SMARCA2: variants seen among roughly 807,000 people sequenced by gnomAD.
SMARCA2 encodes the protein SWI/SNF-related matrix-associated actin-dependent regulator of chromatin subfamily A member 2.
In SMARCA2, 61 loss-of-function variants were observed where a neutral mutation model predicts 199.8. That is an observed-to-expected ratio of 0.31 (90% CI 0.25 to 0.38). The LOEUF is 0.38. SMARCA2 is among the 10% of genes least tolerant of loss of function. The pLI, the probability that SMARCA2 is intolerant of heterozygous loss-of-function variation, is 1.00. For synonymous variants in SMARCA2, 935 were observed against 732.0 expected (o/e 1.28, Z -4.48); for missense variants, 1,344 against 2,012.2 (o/e 0.67, Z 6.35).
At chr9:2,124,170 A>C (rs1381711539) in intron 27 of SMARCA2, among the ~76,000 whole-genome samples, 1 of 152,248 alleles carries the variant, frequency 6.6e-6, no homozygotes, top group Non-Finnish European at 1.5e-5. Context: ...AAAAATATGC[A>C]GGATTTTTTG....
Position 2,060,917 on chromosome 9 carries a change from C to T in SMARCA2, c.1623C>T (p.Thr541=). 1 of 1,614,040 alleles carries T rather than the reference C, an allele frequency of 6.2e-7. No individual in the cohort carries two copies. The highest frequency in any genetic ancestry group is 8.5e-7 in the Non-Finnish European group (1 of 1,179,968). Reference sequence around the variant, plus strand: ...CCGATGAGTATGTAGCCAATCTGACCAATCTGGTTTGGGAGCACAAGCAAG... The same window carrying T: ...CCGATGAGTATGTAGCCAATCTGACTAATCTGGTTTGGGAGCACAAGCAAG... ...QQTDEYVANL[T]NLVWEHKQAQ... is the part of the protein sequence containing the mutation. The change falls in exon 9 of 34, where the codon ACC becomes ACT. Residue 541 remains threonine, a synonymous_variant. Transcript: ENST00000349721.
In SMARCA2 at chr9:2,192,902, G is replaced by A. The variant is rs900043598; in HGVS notation, c.*163G>A. The A allele has an allele frequency of 8.4e-6, 5 of 597,964 alleles. No individual in the cohort carries two copies. Among genetic ancestry groups the A allele is most frequent in the African/African-American group, 5.6e-5 (3 of 53,196 alleles). 37.0% of individuals were successfully genotyped at this position (597,964 alleles called of 1,614,324 possible). A position where few individuals can be genotyped will look rare whatever the true frequency, so the allele number is the denominator to read the frequency against. On this transcript the variant is annotated 3_prime_UTR_variant, in exon 34 of 34. Coordinates refer to ENST00000349721, the MANE Select transcript of SMARCA2 (RefSeq NM_003070.5). ...CCAGACAAACATATGATATCATGGTGTAAAAAACACACACATACACAAATA... is the reference window on the plus strand; with the variant it reads ...CCAGACAAACATATGATATCATGGTATAAAAAACACACACATACACAAATA...
At chr9:2,058,525 C>A (rs923238557) in intron 8 of SMARCA2, 61 bp downstream of exon 8, 3 of 1,348,580 alleles carry the variant, frequency 2.2e-6, no homozygotes, top group South Asian at 1.3e-5. Context: ...TGCAATGAGA[C>A]CATTAAATAT....
chr9:2,054,517 T>C (rs753165253), intron 5 of SMARCA2, 80 bp from the exon 6 acceptor site: 19 of 1,528,954 alleles, frequency 1.2e-5, no homozygotes, highest in Non-Finnish European at 1.7e-5. Flanking sequence ...TTAAACCTAA[T>C]GTCATTGTTT....
chr9:2,106,175 G>C lies in SMARCA2; in HGVS notation c.3292+2006G>C, dbSNP rs557200096. On this transcript the variant is annotated intron_variant, in intron 23 of 33. Transcript: ENST00000349721. Reference sequence around the variant, plus strand: ...CATTATGATGCCCATTTAAGGATGAGAAAACAAAGGCATATGGTGAAACCA... The same window carrying C: ...CATTATGATGCCCATTTAAGGATGACAAAACAAAGGCATATGGTGAAACCA... Among the ~76,000 whole-genome samples the C allele has an allele frequency of 1.1e-4, 17 of 152,310 alleles. No homozygotes were observed. In the South Asian group the frequency reaches 3.1e-3, roughly 28 times the overall value.
chr9:2,015,578 C>G lies in SMARCA2; in HGVS notation c.-37+174C>G, dbSNP rs897279738. Among the ~76,000 whole-genome samples the G allele has an allele frequency of 7.2e-5, 11 of 152,166 alleles. No individual in the cohort carries two copies. In the East Asian group the frequency reaches 1.4e-3, roughly 19 times the overall value. ...GACCAAAACAAACAGGCGGGCCAAC[C>G]GCCGCGACAAAAAAAAGCCCGCCTC... On this transcript the variant is annotated intron_variant, in intron 1 of 33. Coordinates refer to ENST00000349721, the MANE Select transcript of SMARCA2 (RefSeq NM_003070.5).
intron 23 of SMARCA2, among the ~76,000 whole-genome samples, chr9:2,105,773 G>C (rs534636102): frequency 5.5e-4 from 84 of 152,294 alleles, no homozygotes; most frequent in African/African-American, 1.9e-3. Flanking sequence ...GCTCAAGTGA[G>C]GGGCTGTGGG....
rs909168367 is a variant in SMARCA2, at chr9:2,016,830, C to G, written c.-37+1426C>G. Among the ~76,000 whole-genome samples the G allele has an allele frequency of 6.6e-6, 1 of 152,232 alleles. No individual in the cohort carries two copies. Among genetic ancestry groups the G allele is most frequent in the Admixed American group, 6.5e-5 (1 of 15,288 alleles). On this transcript the variant is annotated intron_variant, in intron 1 of 33. Coordinates refer to ENST00000349721, the MANE Select transcript of SMARCA2 (RefSeq NM_003070.5). This position sits in a 1 kb window ranked among gnomAD's most constrained non-coding sequence, Gnocchi z 5.6. ...CCTTTGCTCTCCCCCTCCACCCGGCCGTCTTCCCTTCCTCCCGTTTGCGTT... is the reference window on the plus strand; with the variant it reads ...CCTTTGCTCTCCCCCTCCACCCGGCGGTCTTCCCTTCCTCCCGTTTGCGTT...
At chr9:2,153,978 A>G (rs1825209741) in intron 27 of SMARCA2, among the ~76,000 whole-genome samples, 1 of 152,220 alleles carries the variant, frequency 6.6e-6, no homozygotes, top group Non-Finnish European at 1.5e-5. Context: ...TGCAGTCATC[A>G]TTAATAATAA....
At chr9:2,047,548 G>C (rs563732903) in intron 5 of SMARCA2, 64 bp downstream of exon 5, 65 of 1,233,644 alleles carry the variant, frequency 5.3e-5, no homozygotes, top group Admixed American at 4.4e-4. Flanking sequence ...CAAGCCGAGG[G>C]GGGTGAGGCG....
chr9:2,017,115 C>T lies in SMARCA2; in HGVS notation c.-37+1711C>T, dbSNP rs1818387277. On this transcript the variant is annotated intron_variant, in intron 1 of 33. Transcript: ENST00000349721. This position sits in a 1 kb window ranked among gnomAD's most constrained non-coding sequence, Gnocchi z 8.8. ...CCGGTACACGCGGGGAAATCGCCTC[C>T]TGCCAGTGTCTGATCGCTCGCCTCC... The T allele has an allele frequency of 6.6e-6, 1 of 152,330 alleles. No individual in the cohort carries two copies. Among genetic ancestry groups the T allele is most frequent in the African/African-American group, 2.4e-5 (1 of 41,442 alleles). 9.4% of individuals were successfully genotyped at this position (152,330 alleles called of 1,614,324 possible).
chr9:2,101,684 A>G (rs899134209), intron 22 of SMARCA2, 68 bp downstream of exon 22: 35 of 786,302 alleles, frequency 4.5e-5, no homozygotes, highest in Middle Eastern at 2.4e-4. Context: ...CCTCCTCTCT[A>G]CAGTGTTTCC....
At chr9:2,107,244 G>A (rs891903832) in intron 23 of SMARCA2, among the ~76,000 whole-genome samples, 5 of 152,178 alleles carry the variant, frequency 3.3e-5, no homozygotes, top group Admixed American at 3.3e-4. Context: ...AAATGCCATA[G>A]CTTTGTATGA....
chr9:2,161,770 C>A lies in SMARCA2; in HGVS notation c.4066C>A (p.Pro1356Thr), dbSNP rs753162708. The change falls in exon 28 of 34, where the codon CCT becomes ACT. Residue 1356 changes from proline (P) to threonine (T), a missense_variant. Physicochemically the swap from Pro to Thr is conservative, Grantham distance 38. Coordinates refer to ENST00000349721, the MANE Select transcript of SMARCA2 (RefSeq NM_003070.5). This position sits in a 1 kb window ranked among gnomAD's most constrained non-coding sequence, Gnocchi z 4.7. Reference sequence around the variant, plus strand: ...AAGACGAAGAAATGTGGATAAAGATCCTGCAAAAGAAGATGTGGAAAAAGC... The same window carrying A: ...AAGACGAAGAAATGTGGATAAAGATACTGCAAAAGAAGATGTGGAAAAAGC... ...RKRRRNVDKD[P>T]AKEDVEKAKK... The A allele has an allele frequency of 1.2e-6, 2 of 1,613,904 alleles. No individual in the cohort carries two copies. Among genetic ancestry groups the A allele is most frequent in the Middle Eastern group, 1.6e-4 (1 of 6,062 alleles).
intron 1 of SMARCA2, among the ~76,000 whole-genome samples, chr9:2,025,408 C>A (rs1586619420): frequency 6.6e-6 from 1 of 152,126 alleles, no homozygotes; most frequent in African/African-American, 2.4e-5. Flanking sequence ...ACAGGTCGTT[C>A]TTTTCTGTGA....
At chr9:2,127,692 G>C (rs1278493016) in intron 27 of SMARCA2, among the ~76,000 whole-genome samples, 1 of 152,232 alleles carries the variant, frequency 6.6e-6, no homozygotes, top group Non-Finnish European at 1.5e-5. Flanking sequence ...TGGAAATGTG[G>C]TCTGGCTGTG....
chr9:2,176,191 T>TTTTTTC (rs1563829253), intron 29 of SMARCA2, among the ~76,000 whole-genome samples: 1 of 150,386 alleles, frequency 6.6e-6, no homozygotes, highest in African/African-American at 2.5e-5. Flanking sequence ...TGTTTTTTTT[T>TTTTTTC]TTTTTTTTTT....
At chr9:2,120,348 T>C (rs1246567799) in intron 26 of SMARCA2, among the ~76,000 whole-genome samples, 1 of 152,078 alleles carries the variant, frequency 6.6e-6, no homozygotes, top group Non-Finnish European at 1.5e-5. Flanking sequence ...GTAGGTGTAC[T>C]GGAGATGCTT....
At chr9:2,023,637 G>A (rs575413858) in intron 1 of SMARCA2, among the ~76,000 whole-genome samples, 9 of 152,252 alleles carry the variant, frequency 5.9e-5, no homozygotes, top group Non-Finnish European at 1.2e-4. Flanking sequence ...ATGTTTCACC[G>A]CTTATCCCGA....
Sources: allele counts gnomAD v4.1 joint callset (sites outside exome capture counted in the v4.1 genomes callset), GRCh38; gene constraint gnomAD v4.1.1; non-coding constraint Gnocchi (gnomAD v3.1); transcripts MANE v1.5; gene names NCBI Gene and HGNC (gene_info 2026-07-23, HGNC 2026-07-21).